The following ZBTB40 variants were observed in gnomAD, a reference collection of about 807,000 sequenced individuals.
ZBTB40 encodes zinc finger and BTB domain containing 40, also known as zinc finger and BTB domain-containing protein 40.
In ZBTB40, 60 loss-of-function variants were observed where a neutral mutation model predicts 117.5. The ratio of observed to expected loss-of-function variants is 0.51; its 90% CI spans 0.41 to 0.63. The LOEUF (loss-of-function observed/expected upper bound fraction) is 0.63, where lower values mean the gene tolerates loss of function less well. Among genes scored for constraint, ZBTB40 ranks in the 30% least tolerant of loss-of-function variants. The probability of loss-of-function intolerance (pLI) is 0.00; values close to 1 mark genes in which losing one functional copy is unlikely to be tolerated. For synonymous variants in ZBTB40, 525 were observed against 577.1 expected (o/e 0.91, Z 1.29); for missense variants, 1,287 against 1,498.5 (o/e 0.86, Z 2.33).
At chr1:22,444,394 G>A (rs1309683433) in intron 1 of ZBTB40, among the ~76,000 whole-genome samples, 5 of 152,058 alleles carry the variant, frequency 3.3e-5, no homozygotes, top group South Asian at 2.1e-4. Flanking sequence ...CAGCCTGGGC[G>A]ACAGAGAGAG....
At chr1:22,509,371 G>A (rs1639169689) in intron 9 of ZBTB40, 138 bp downstream of exon 9, 7 of 1,307,028 alleles carry the variant, frequency 5.4e-6, no homozygotes, top group Non-Finnish European at 7.5e-6. Flanking sequence ...TTTTGAGACA[G>A]AGTCTTGCTC....
At chr1:22,514,254 G>A (rs1014165812) in intron 12 of ZBTB40, among the ~76,000 whole-genome samples, 3 of 152,174 alleles carry the variant, frequency 2.0e-5, no homozygotes, top group East Asian at 1.9e-4. Flanking sequence ...ATTGTTTGAC[G>A]TGGACTGTCA....
At chr1:22,468,781 G>A (rs1245225222) in intron 1 of ZBTB40, among the ~76,000 whole-genome samples, 1 of 141,516 alleles carries the variant, frequency 7.1e-6, no homozygotes. Context: ...TTATAGGCAT[G>A]GGCTGCCATG....
At chr1:22,496,577 C>T (rs962899455) in intron 3 of ZBTB40, among the ~76,000 whole-genome samples, 4 of 152,164 alleles carry the variant, frequency 2.6e-5, no homozygotes, top group African/African-American at 9.7e-5. Flanking sequence ...ATCTACTGGT[C>T]CAAACTGGCT....
chr1:22,480,172 C>G, intron 1 of ZBTB40, among the ~76,000 whole-genome samples: 1 of 152,150 alleles, frequency 6.6e-6, no homozygotes, highest in East Asian at 1.9e-4. Flanking sequence ...TCCCAAAGTG[C>G]TGGGATTACA....
At chr1:22,515,133 A>T (rs1639341930) in intron 12 of ZBTB40, among the ~76,000 whole-genome samples, 1 of 152,176 alleles carries the variant, frequency 6.6e-6, no homozygotes, top group African/African-American at 2.4e-5. Context: ...ACAAAGTGAG[A>T]GATGGAGCCA....
At chr1:22,459,497 G>A (rs924336203) in intron 1 of ZBTB40, among the ~76,000 whole-genome samples, 3 of 152,080 alleles carry the variant, frequency 2.0e-5, no homozygotes, top group Non-Finnish European at 4.4e-5. Context: ...TGTCTTTATT[G>A]AATACTAAGC....
chr1:22,484,999 T>C lies in ZBTB40; in HGVS notation c.-69-4881T>C, dbSNP rs572204542. The stretch of plus-strand genomic sequence containing the variant: ...CTTGCATACCTGTGAGAAGTCCCAT[T>C]TGGCTATGATGTATAATTCTCTTTA... On this transcript the variant is annotated intron_variant, in intron 1 of 17. Transcript: ENST00000375647. 2.1e-4 allele frequency among the ~76,000 whole-genome samples: 32 copies of C among 152,348 alleles called. No homozygotes were observed. The Middle Eastern group carries it at 0.01, about 49-fold the overall frequency.
chr1:22,529,219 G>C lies in ZBTB40; in HGVS notation c.*2823G>C, dbSNP rs1456540814. The C allele has an allele frequency of 4.6e-5, 7 of 152,386 alleles. No homozygotes were observed. Among genetic ancestry groups the C allele is most frequent in the Non-Finnish European group, 1.0e-4 (7 of 68,092 alleles). The allele number at this position is 152,386 out of a possible 1,614,324, so 9.4% of individuals were successfully genotyped here. ...GGACAGTGTTTGTGTGGTCTCCTGA[G>C]TCCACATCGCTCGCTTCCATGGGGT... On this transcript the variant is annotated 3_prime_UTR_variant, in exon 18 of 18. Coordinates refer to ENST00000375647, the MANE Select transcript of ZBTB40 (RefSeq NM_014870.4).
At chr1:22,475,989 AC>A (rs1641540967) in intron 1 of ZBTB40, among the ~76,000 whole-genome samples, 1 of 152,154 alleles carries the variant, frequency 6.6e-6, no homozygotes, top group South Asian at 2.1e-4. Flanking sequence ...AGAGCCCCTT[AC>A]CCTCTAGTAG....
intron 1 of ZBTB40, among the ~76,000 whole-genome samples, chr1:22,437,420 T>C (rs10917232): frequency 0.97 from 145,678 of 150,660 alleles, 70,634 homozygotes; most frequent in Non-Finnish European, 1. Flanking sequence ...ATAAAACTTA[T>C]CATCTTTTTT....
In ZBTB40 at chr1:22,502,528, T is replaced by C. The variant is rs575532837; in HGVS notation, c.1167+87T>C. ...TTGTGGCACATAGCACTTTATACTTTGCAGTATTTTAATACATACTGCATA... is the reference window on the plus strand; with the variant it reads ...TTGTGGCACATAGCACTTTATACTTCGCAGTATTTTAATACATACTGCATA... On this transcript the variant is annotated intron_variant, in intron 5 of 17. Transcript: ENST00000375647. 1.4e-5 allele frequency: 22 copies of C among 1,563,876 alleles called. No homozygotes were observed. In the South Asian group the frequency reaches 2.2e-4, roughly 16 times the overall value.
At chr1:22,454,874 A>G (rs1242428316) in intron 1 of ZBTB40, among the ~76,000 whole-genome samples, 1 of 152,274 alleles carries the variant, frequency 6.6e-6, no homozygotes, top group African/African-American at 2.4e-5. Flanking sequence ...GAATAACCAA[A>G]TTTAGCTCCA....
chr1:22,511,406 A>G, intron 10 of ZBTB40, 59 bp downstream of exon 10: 1 of 1,596,040 alleles, frequency 6.3e-7, no homozygotes. Flanking sequence ...TGTTTCTTGA[A>G]GAAAGAGACA....
chr1:22,454,608 T>G (rs895725649), intron 1 of ZBTB40, among the ~76,000 whole-genome samples: 1 of 152,140 alleles, frequency 6.6e-6, no homozygotes, highest in African/African-American at 2.4e-5. Context: ...GTTCAGAGAC[T>G]AAGGTGGGTA....
intron 1 of ZBTB40, among the ~76,000 whole-genome samples, chr1:22,485,781 C>T (rs945569956): frequency 9.2e-5 from 14 of 152,100 alleles, no homozygotes; most frequent in Admixed American, 3.9e-4. Context: ...TGGATTGTTA[C>T]GTCTTCAAGC....
At chr1:22,455,507 A>AG (rs1263335559) in intron 1 of ZBTB40, among the ~76,000 whole-genome samples, 1 of 152,210 alleles carries the variant, frequency 6.6e-6, no homozygotes, top group Non-Finnish European at 1.5e-5. Context: ...AACGGAGCAA[A>AG]GAACTGGACA....
chr1:22,447,303 G>C (rs1438921444), upstream of ZBTB40, among the ~76,000 whole-genome samples: 1 of 152,172 alleles, frequency 6.6e-6, no homozygotes, highest in Non-Finnish European at 1.5e-5. Context: ...GTGGTTGCAG[G>C]GGGAGGGTAG....
intron 13 of ZBTB40, among the ~76,000 whole-genome samples, chr1:22,519,001 C>A (rs1337555214): frequency 6.6e-6 from 1 of 152,222 alleles, no homozygotes; most frequent in Admixed American, 6.5e-5. Context: ...GCCCCCCTCT[C>A]TCTCCCATTT....
Sources: gnomAD v4.1 joint callset for allele counts (sites outside exome capture counted in the v4.1 genomes callset) on GRCh38, gnomAD v4.1.1 for gene constraint, MANE v1.5 for transcripts, NCBI Gene and HGNC (gene_info 2026-07-23, HGNC 2026-07-21) for gene names.